ZRANB3: variants seen among roughly 807,000 people sequenced by gnomAD.
ZRANB3 encodes the protein DNA annealing helicase and endonuclease ZRANB3.
ZRANB3 carries 125 observed loss-of-function variants against 133.8 expected under a neutral mutation model. That is an observed-to-expected ratio of 0.93 (90% CI 0.81 to 1.08). ZRANB3 has a LOEUF of 1.08. ZRANB3 is among the 50% of genes least tolerant of loss of function. The pLI is 0.00. For synonymous variants in ZRANB3, 387 were observed against 432.7 expected, an observed-to-expected ratio of 0.89 and a Z score of 1.31; for missense variants, 1,229 against 1,275.5, an observed-to-expected ratio of 0.96 and a Z score of 0.56.
intron 8 of ZRANB3, among the ~76,000 whole-genome samples, chr2:135,298,386 A>G (rs1682262414): frequency 6.6e-6 from 1 of 152,082 alleles, no homozygotes; most frequent in African/African-American, 2.4e-5. Flanking sequence ...GGGGATGTTA[A>G]AGAACCTTGC....
At chr2:135,305,865 T>C (rs1682664068) in intron 8 of ZRANB3, among the ~76,000 whole-genome samples, 2 of 152,176 alleles carry the variant, frequency 1.3e-5, no homozygotes, top group Non-Finnish European at 1.5e-5. Context: ...TATTTTTGGC[T>C]GAAAGCTTTT....
intron 1 of ZRANB3, among the ~76,000 whole-genome samples, chr2:135,523,295 A>T (rs1042608231): frequency 5.9e-5 from 9 of 152,120 alleles, no homozygotes; most frequent in Non-Finnish European, 1.3e-4. Flanking sequence ...CTATCACCAA[A>T]TCCAAGCCAT....
chr2:135,388,992 G>C (rs1268608875), intron 3 of ZRANB3, among the ~76,000 whole-genome samples: 1 of 152,034 alleles, frequency 6.6e-6, no homozygotes, highest in Admixed American at 6.6e-5. Context: ...GCAGGAGAAT[G>C]GCGTGAACCT....
chr2:135,353,456 T>C lies in ZRANB3; in HGVS notation c.353A>G (p.Asp118Gly). ...EEINVIQNKTDVRRMSTSKVT... is the reference protein window; with the variant it reads ...EEINVIQNKTGVRRMSTSKVT... ...ATTAAACAGTTGTTCTTACCTAACA[T>C]CAGTTTTATTCTGAATAACATTGAT... Residue 118 changes from aspartate (D) to glycine (G), a missense_variant, in exon 4 of 21, where the codon GAT becomes GGT. Coordinates refer to ENST00000264159, the MANE Select transcript of ZRANB3 (RefSeq NM_032143.4). 6.3e-7 allele frequency: 1 copy of C among 1,576,066 alleles called. No homozygotes were observed. Among genetic ancestry groups the C allele is most frequent in the Non-Finnish European group, 8.6e-7 (1 of 1,162,954 alleles).
At position 135,227,842 on chromosome 2, in the gene ZRANB3, CT is replaced by C; in HGVS notation, c.2127del (p.Glu710LysfsTer25). 6.3e-7 allele frequency: 1 copy of C among 1,577,268 alleles called. No individual in the cohort carries two copies. Among genetic ancestry groups the C allele is most frequent in the Non-Finnish European group, 8.6e-7 (1 of 1,159,540 alleles). On this transcript the variant is annotated frameshift_variant, in exon 14 of 21. Transcript: ENST00000264159. LOFTEE classifies it high-confidence loss of function. ...CCTGGCTGGGATGTAAGTCCGTCTT[CT>C]TTCTCAATTTTTGGTGTTTCTTCCT... ...DSKEETPKIE[K>X]EDGLTSQPGN...
At chr2:135,334,285 T>C (rs988105486) in intron 6 of ZRANB3, among the ~76,000 whole-genome samples, 2 of 152,234 alleles carry the variant, frequency 1.3e-5, no homozygotes, top group Non-Finnish European at 2.9e-5. Flanking sequence ...TACTCCAATT[T>C]AGCCTAAGGT....
At chr2:135,261,917 T>C (rs542424756) in intron 12 of ZRANB3, among the ~76,000 whole-genome samples, 2 of 152,232 alleles carry the variant, frequency 1.3e-5, no homozygotes, top group South Asian at 2.1e-4. Context: ...CCTAGCATTT[T>C]GGGAGGCTGA....
intron 8 of ZRANB3, 21 bp downstream of exon 8, chr2:135,313,468 T>C (rs781370488): frequency 1.3e-6 from 2 of 1,492,300 alleles, no homozygotes; most frequent in South Asian, 1.2e-5. Context: ...GACAAATACA[T>C]GATGGCCCAG....
At chr2:135,344,164 G>T (rs564728017) in intron 6 of ZRANB3, among the ~76,000 whole-genome samples, 54 of 152,220 alleles carry the variant, frequency 3.5e-4, no homozygotes, top group African/African-American at 1.2e-3. Flanking sequence ...TCCAAGGCAG[G>T]CATAATAATT....
chr2:135,239,368 C>T (rs1467086664), intron 12 of ZRANB3, among the ~76,000 whole-genome samples: 1 of 148,806 alleles, frequency 6.7e-6, no homozygotes, highest in Non-Finnish European at 1.5e-5. Flanking sequence ...TAACTGTACA[C>T]TTAAAAATGG....
chr2:135,224,618 C>T (rs2105060246), intron 14 of ZRANB3, 101 bp from the exon 15 acceptor site: 1 of 682,548 alleles, frequency 1.5e-6, no homozygotes, highest in African/African-American at 1.8e-5. Flanking sequence ...ATAGCTATAT[C>T]AAAATATCAA....
In ZRANB3 at chr2:135,207,607, T is replaced by A; in HGVS notation, c.2836A>T (p.Ile946Phe). 6.2e-7 allele frequency: 1 copy of A among 1,614,024 alleles called. No individual in the cohort carries two copies. The highest frequency in any genetic ancestry group is 8.5e-7 in the Non-Finnish European group (1 of 1,179,892). ...CTCAGGTAACTGTTATTAGATCGAATCCAAAACTCTTCCTGACATTTCAGA... is the reference window on the plus strand; with the variant it reads ...CTCAGGTAACTGTTATTAGATCGAAACCAAAACTCTTCCTGACATTTCAGA... ...CSLKCQEEFWIRSNNSYLRAK... is the reference protein window; with the variant it reads ...CSLKCQEEFWFRSNNSYLRAK... The change falls in exon 19 of 21, where the codon ATT (isoleucine) becomes TTT (phenylalanine). Residue 946 changes from isoleucine (I) to phenylalanine (F), a missense_variant. Coordinates refer to ENST00000264159, the MANE Select transcript of ZRANB3 (RefSeq NM_032143.4).
At chr2:135,302,107 T>C (rs985335750) in intron 8 of ZRANB3, among the ~76,000 whole-genome samples, 1 of 152,238 alleles carries the variant, frequency 6.6e-6, no homozygotes, top group Non-Finnish European at 1.5e-5. Flanking sequence ...ATGTAGATGA[T>C]AACTAGCTAC....
chr2:135,319,708 C>T (rs1359578868), intron 6 of ZRANB3, among the ~76,000 whole-genome samples: 1 of 152,146 alleles, frequency 6.6e-6, no homozygotes, highest in African/African-American at 2.4e-5. Context: ...GTCCACTCAC[C>T]CATTACCAGG....
chr2:135,231,612 A>C (rs1386029851), intron 12 of ZRANB3, among the ~76,000 whole-genome samples: 1 of 152,000 alleles, frequency 6.6e-6, no homozygotes, highest in Non-Finnish European at 1.5e-5. Flanking sequence ...AACACAAAAA[A>C]ACAAAAAACA....
chr2:135,389,563 G>C (rs552396737), intron 3 of ZRANB3, among the ~76,000 whole-genome samples: 9 of 152,126 alleles, frequency 5.9e-5, no homozygotes, highest in African/African-American at 2.2e-4. Context: ...AAATTAGCTG[G>C]GCGTGGTGGT....
chr2:135,434,914 A>C (rs1689468191), intron 2 of ZRANB3, among the ~76,000 whole-genome samples: 1 of 152,230 alleles, frequency 6.6e-6, no homozygotes, highest in Non-Finnish European at 1.5e-5. Context: ...AAATGCAGCA[A>C]CAGAAAAGAT....
intron 2 of ZRANB3, among the ~76,000 whole-genome samples, chr2:135,408,255 C>T (rs1688137019): frequency 6.6e-6 from 1 of 152,138 alleles, no homozygotes; most frequent in Non-Finnish European, 1.5e-5. Context: ...CAGAGAAATG[C>T]AGATCAAAAC....
At chr2:135,387,616 A>G (rs1301600779) in intron 3 of ZRANB3, among the ~76,000 whole-genome samples, 1 of 152,224 alleles carries the variant, frequency 6.6e-6, no homozygotes, top group Non-Finnish European at 1.5e-5. Flanking sequence ...TCAACATTAT[A>G]AATAGGATAT....
Sources: gnomAD v4.1 joint callset for allele counts (sites outside exome capture counted in the v4.1 genomes callset) on GRCh38, gnomAD v4.1.1 for gene constraint, MANE v1.5 for transcripts, NCBI Gene and HGNC (gene_info 2026-07-23, HGNC 2026-07-21) for gene names.